AQP7B: variants seen among roughly 807,000 people sequenced by gnomAD.
AQP7B encodes the protein putative aquaporin-7B.
chr2:94,596,559 G>A, the AQP7B span, among the ~76,000 whole-genome samples: 1 of 152,188 alleles, frequency 6.6e-6, no homozygotes, highest in African/African-American at 2.4e-5. Flanking sequence ...CCTTGGGCAG[G>A]TCTCTCCCTG....
chr2:94,604,493 A>C, the AQP7B span: 1 of 1,610,744 alleles, frequency 6.2e-7, no homozygotes, highest in South Asian at 1.1e-5. Context: ...CCTCACCCTC[A>C]TCTCCGTGAG....
chr2:94,594,889 G>A, the AQP7B span: 4 of 1,432,490 alleles, frequency 2.8e-6, no homozygotes, highest in Admixed American at 1.7e-5. Context: ...TGGGTGGGCA[G>A]CACGAAGTGG....
the AQP7B span, chr2:94,594,715 C>A: frequency 6.8e-7 from 1 of 1,465,162 alleles, no homozygotes; most frequent in Non-Finnish European, 9.6e-7. Flanking sequence ...AGTCTCCTTT[C>A]TGTCCCTGGG....
At chr2:94,591,924 G>A in the AQP7B span, among the ~76,000 whole-genome samples, 5 of 152,180 alleles carry the variant, frequency 3.3e-5, no homozygotes, top group Non-Finnish European at 5.9e-5. Flanking sequence ...ACACTGCATA[G>A]TAATTGCTCA....
At chr2:94,597,891 C>A in the AQP7B span, among the ~76,000 whole-genome samples, 1 of 152,148 alleles carries the variant, frequency 6.6e-6, no homozygotes, top group Non-Finnish European at 1.5e-5. Context: ...AGGCATGAGT[C>A]ACCGTGCCCA....
the AQP7B span, chr2:94,603,015 C>T: frequency 1.3e-6 from 2 of 1,588,006 alleles, no homozygotes; most frequent in Middle Eastern, 1.9e-4. Context: ...CACTCCCTGA[C>T]ACACTTGCCT....
the AQP7B span, among the ~76,000 whole-genome samples, chr2:94,591,874 C>A: frequency 1.4e-4 from 21 of 152,182 alleles, no homozygotes; most frequent in Admixed American, 2.0e-4. Flanking sequence ...CCTCCACATG[C>A]CCCACAGTGC....
At chr2:94,602,504 G>C in the AQP7B span, 23 of 1,605,292 alleles carry the variant, frequency 1.4e-5, no homozygotes, top group African/African-American at 5.4e-5. Flanking sequence ...ATTCGGCCTT[G>C]GTTCTGTGGC....
chr2:94,596,143 G>A, the AQP7B span, among the ~76,000 whole-genome samples: 70 of 152,376 alleles, frequency 4.6e-4, no homozygotes, highest in African/African-American at 1.6e-3. Flanking sequence ...GATGGGCCAC[G>A]CAAGGTGAGC....
At chr2:94,601,744 G>A in the AQP7B span, among the ~76,000 whole-genome samples, 1,015 of 152,252 alleles carry the variant, frequency 6.7e-3, 3 homozygotes, top group Non-Finnish European at 0.01. Flanking sequence ...GTGTGTGGGA[G>A]CTGATCAATG....
the AQP7B span, among the ~76,000 whole-genome samples, chr2:94,590,546 T>A: frequency 3.3e-5 from 5 of 151,916 alleles, no homozygotes; most frequent in Non-Finnish European, 7.4e-5. Context: ...TGGCTCGTGG[T>A]TAGTTGGATA....
At chr2:94,595,210 G>A in the AQP7B span, among the ~76,000 whole-genome samples, 1 of 152,130 alleles carries the variant, frequency 6.6e-6, no homozygotes, top group Non-Finnish European at 1.5e-5. Flanking sequence ...TTAGGCAGGT[G>A]GATCACCTGA....
the AQP7B span, among the ~76,000 whole-genome samples, chr2:94,602,130 G>A: frequency 7.9e-5 from 12 of 151,780 alleles, no homozygotes; most frequent in Non-Finnish European, 1.2e-4. Flanking sequence ...AGGTCAGCCT[G>A]AAGTGTGAGG....
the AQP7B span, among the ~76,000 whole-genome samples, chr2:94,602,156 C>A: frequency 6.6e-6 from 1 of 151,744 alleles, no homozygotes; most frequent in African/African-American, 2.4e-5. Flanking sequence ...TGAGGGGGTG[C>A]AATGCATGCC....
the AQP7B span, among the ~76,000 whole-genome samples, chr2:94,596,137 G>A: frequency 6.6e-6 from 1 of 152,210 alleles, no homozygotes; most frequent in Non-Finnish European, 1.5e-5. Context: ...GCGGCAGATG[G>A]GCCACGCAAG....
At chr2:94,598,209 G>A in the AQP7B span, among the ~76,000 whole-genome samples, 1,000 of 152,194 alleles carry the variant, frequency 6.6e-3, 9 homozygotes, top group African/African-American at 0.023. Context: ...AAGAAGTGAG[G>A]GCTTTTTTTT....
At chr2:94,588,579 C>T in the AQP7B span, 4 of 691,166 alleles carry the variant, frequency 5.8e-6, no homozygotes, top group East Asian at 2.7e-5. Flanking sequence ...CACCCTCCAG[C>T]CCCCTGTCCT....
chr2:94,591,721 TTG>T, the AQP7B span, among the ~76,000 whole-genome samples: 1 of 152,160 alleles, frequency 6.6e-6, no homozygotes, highest in Non-Finnish European at 1.5e-5. Flanking sequence ...ACTGCCTTAG[TTG>T]CAGGCCTTTG....
the AQP7B span, chr2:94,603,017 C>T: frequency 4.7e-5 from 74 of 1,588,996 alleles, no homozygotes; most frequent in Middle Eastern, 1.9e-4. Context: ...CTCCCTGACA[C>T]ACTTGCCTGC....
Sources: allele counts gnomAD v4.1 joint callset (sites outside exome capture counted in the v4.1 genomes callset), GRCh38; gene constraint gnomAD v4.1.1; transcripts MANE v1.5; gene names NCBI Gene and HGNC (gene_info 2026-07-23, HGNC 2026-07-21).